Variants in MTHFD2L observed in about 807,000 individuals in gnomAD.
MTHFD2L encodes the protein bifunctional methylenetetrahydrofolate dehydrogenase/cyclohydrolase 2, mitochondrial.
A neutral mutation model predicts 34.9 loss-of-function variants in MTHFD2L; 29 were observed. The ratio of observed to expected loss-of-function variants is 0.83; its 90% CI spans 0.62 to 1.13. The LOEUF (loss-of-function observed/expected upper bound fraction) is 1.13, where lower values mean the gene tolerates loss of function less well. Ranked by LOEUF, MTHFD2L falls within the 50% of genes most tolerant of loss-of-function variation. MTHFD2L has a pLI of 0.00. For synonymous variants in MTHFD2L, 167 were observed against 155.7 expected (o/e 1.07, Z -0.54); for missense variants, 481 against 446.5 (o/e 1.08, Z -0.70).
chr4:74,228,993 A>T (rs942549861), intron 6 of MTHFD2L, among the ~76,000 whole-genome samples: 9 of 152,238 alleles, frequency 5.9e-5, no homozygotes, highest in African/African-American at 2.2e-4. Flanking sequence ...GACAGTGGGA[A>T]GAAGTCCTGT....
intron 1 of MTHFD2L, among the ~76,000 whole-genome samples, chr4:74,129,536 T>C (rs571274338): frequency 6.6e-6 from 1 of 152,008 alleles, no homozygotes; most frequent in African/African-American, 2.4e-5. Flanking sequence ...TAAAACCAAT[T>C]AGAAGAAAGA....
intron 1 of MTHFD2L, among the ~76,000 whole-genome samples, chr4:74,139,423 T>C (rs543769546): frequency 2.0e-5 from 3 of 152,212 alleles, no homozygotes; most frequent in Non-Finnish European, 2.9e-5. Flanking sequence ...TCTCCGTTTG[T>C]GTCTGGCTGT....
At chr4:74,158,070 G>T (rs769543428), upstream of MTHFD2L, 1 of 1,531,308 alleles carries the variant, frequency 6.5e-7, no homozygotes, top group Admixed American at 2.0e-5. Context: ...GGCGGAGCCA[G>T]GCCTCCAGCC....
chr4:74,135,218 A>T (rs185352996), intron 1 of MTHFD2L, among the ~76,000 whole-genome samples: 4 of 152,256 alleles, frequency 2.6e-5, no homozygotes, highest in Non-Finnish European at 5.9e-5. Context: ...GCAAGAGAAA[A>T]GAAGCAAGCA....
intron 1 of MTHFD2L, among the ~76,000 whole-genome samples, chr4:74,159,241 A>G (rs1274393678): frequency 6.6e-6 from 1 of 152,210 alleles, no homozygotes; most frequent in South Asian, 2.1e-4. Flanking sequence ...TGCTTTGGAC[A>G]TAATTTCTTG....
intron 6 of MTHFD2L, among the ~76,000 whole-genome samples, chr4:74,255,281 A>C (rs1196597868): frequency 6.6e-6 from 1 of 152,054 alleles, no homozygotes; most frequent in Non-Finnish European, 1.5e-5. Flanking sequence ...TTAAGCTGTT[A>C]TCAGCTTGAA....
At chr4:74,184,986 A>G (rs1269825210) in intron 3 of MTHFD2L, among the ~76,000 whole-genome samples, 2 of 151,740 alleles carry the variant, frequency 1.3e-5, no homozygotes. Context: ...CGTCTCTACT[A>G]AAAATACAAA....
At chr4:74,284,820 C>T (rs983542991) in intron 7 of MTHFD2L, among the ~76,000 whole-genome samples, 3 of 152,072 alleles carry the variant, frequency 2.0e-5, no homozygotes, top group South Asian at 2.1e-4. Flanking sequence ...TACCAATTGA[C>T]CCAGCCATGC....
intron 6 of MTHFD2L, among the ~76,000 whole-genome samples, chr4:74,275,883 C>T (rs1308372135): frequency 6.6e-6 from 1 of 152,034 alleles, no homozygotes; most frequent in Non-Finnish European, 1.5e-5. Context: ...AAAATTTTCT[C>T]CTATTCTGTA....
intron 3 of MTHFD2L, among the ~76,000 whole-genome samples, chr4:74,185,356 A>T (rs1050043657): frequency 1.3e-5 from 2 of 151,964 alleles, no homozygotes; most frequent in Non-Finnish European, 2.9e-5. Context: ...ACAGCACTAA[A>T]CACATATCTT....
At chr4:74,244,108 T>A (rs1361009891) in intron 6 of MTHFD2L, among the ~76,000 whole-genome samples, 1 of 152,216 alleles carries the variant, frequency 6.6e-6, no homozygotes, top group Admixed American at 6.5e-5. Context: ...GTTACATTCA[T>A]GACCACAATC....
intron 6 of MTHFD2L, among the ~76,000 whole-genome samples, chr4:74,255,748 G>T (rs1032668105): frequency 1.3e-5 from 2 of 152,184 alleles, no homozygotes; most frequent in South Asian, 2.1e-4. Flanking sequence ...AGAACATGTG[G>T]TATTTGCTTT....
chr4:74,295,115 C>T (rs1034849466), intron 7 of MTHFD2L, among the ~76,000 whole-genome samples: 3 of 152,034 alleles, frequency 2.0e-5, no homozygotes, highest in African/African-American at 7.2e-5. Flanking sequence ...AGCTTATTCA[C>T]CCTGAACACA....
intron 1 of MTHFD2L, among the ~76,000 whole-genome samples, chr4:74,131,523 T>C (rs1430997411): frequency 6.6e-6 from 1 of 152,206 alleles, no homozygotes; most frequent in Non-Finnish European, 1.5e-5. Flanking sequence ...GAAAACTGGC[T>C]AGCCATATGC....
intron 7 of MTHFD2L, among the ~76,000 whole-genome samples, chr4:74,297,221 T>G (rs1274731129): frequency 6.6e-6 from 1 of 152,068 alleles, no homozygotes; most frequent in Non-Finnish European, 1.5e-5. Context: ...TTTAAACATT[T>G]CCATGTCATC....
intron 1 of MTHFD2L, among the ~76,000 whole-genome samples, chr4:74,149,514 A>T (rs887421287): frequency 1.3e-5 from 2 of 152,240 alleles, no homozygotes; most frequent in Non-Finnish European, 2.9e-5. Flanking sequence ...TCAATATCAT[A>T]TGTTAAACTC....
intron 6 of MTHFD2L, among the ~76,000 whole-genome samples, chr4:74,253,339 G>A (rs559850983): frequency 1.6e-4 from 24 of 152,304 alleles, no homozygotes; most frequent in Admixed American, 7.2e-4. Context: ...GGAGTTTCTA[G>A]CACTTGCTTC....
At chr4:74,210,862 T>G (rs1452672978) in intron 5 of MTHFD2L, among the ~76,000 whole-genome samples, 2 of 152,196 alleles carry the variant, frequency 1.3e-5, no homozygotes, top group African/African-American at 4.8e-5. Context: ...TCTTATTTCC[T>G]TGAGCAGTGG....
At chr4:74,124,942 CA>C (rs560582984), upstream of MTHFD2L, among the ~76,000 whole-genome samples, 152 of 143,562 alleles carry the variant, frequency 1.1e-3, no homozygotes, top group African/African-American at 1.2e-3. Context: ...AACAGAACAG[CA>C]AAAAAAAAAA....
Sources: gnomAD v4.1 joint callset for allele counts (sites outside exome capture counted in the v4.1 genomes callset) on GRCh38, gnomAD v4.1.1 for gene constraint, MANE v1.5 for transcripts, NCBI Gene and HGNC (gene_info 2026-07-23, HGNC 2026-07-21) for gene names.